PTPRT: variants seen among roughly 807,000 people sequenced by gnomAD.
The protein encoded by PTPRT is protein tyrosine phosphatase receptor type T, also known as receptor-type tyrosine-protein phosphatase T.
Under a neutral mutation model 176.8 loss-of-function variants are expected in PTPRT, and 56 were observed. The ratio of observed to expected loss-of-function variants is 0.32; its 90% confidence interval spans 0.26 to 0.40. The LOEUF (loss-of-function observed/expected upper bound fraction) is 0.40. Ranked by LOEUF, PTPRT falls within the 10% of genes least tolerant of loss-of-function variation. PTPRT has a pLI of 1.00. For synonymous variants in PTPRT, 783 were observed against 739.0 expected, an observed-to-expected ratio of 1.06 and a Z score of -0.96; for missense variants, 1,540 against 1,908.2, an observed-to-expected ratio of 0.81 and a Z score of 3.60.
At chr20:42,071,197 C>A (rs367666113), downstream of PTPRT, among the ~76,000 whole-genome samples, 1 of 152,242 alleles carries the variant, frequency 6.6e-6, no homozygotes, top group East Asian at 1.9e-4. Context: ...TCCACCCCTG[C>A]GGCTTGTGTT....
intron 21 of PTPRT, 45 bp downstream of exon 21, chr20:42,118,358 G>C: frequency 6.7e-7 from 1 of 1,491,250 alleles, no homozygotes; most frequent in African/African-American, 1.4e-5. Flanking sequence ...GTTCGAGAGT[G>C]CATCTCCAGC....
chr20:42,326,366 G>GCT (rs2057881693), intron 11 of PTPRT, among the ~76,000 whole-genome samples: 1 of 152,090 alleles, frequency 6.6e-6, no homozygotes, highest in East Asian at 1.9e-4. Flanking sequence ...CAAAACAGAA[G>GCT]AGATACACAT....
chr20:42,619,103 G>A (rs914929849), intron 7 of PTPRT, among the ~76,000 whole-genome samples: 22 of 150,476 alleles, frequency 1.5e-4, no homozygotes, highest in African/African-American at 4.7e-4. Context: ...CATGTTTAGC[G>A]CTTCCTTCAG....
At chr20:42,061,627 G>C in the PTPRT span, among the ~76,000 whole-genome samples, 1 of 152,102 alleles carries the variant, frequency 6.6e-6, no homozygotes, top group South Asian at 2.1e-4. Flanking sequence ...CTCATAAAAA[G>C]TCGTTTGACT....
chr20:42,067,212 TG>T, the PTPRT span, among the ~76,000 whole-genome samples: 1 of 152,156 alleles, frequency 6.6e-6, no homozygotes, highest in Admixed American at 6.5e-5. Flanking sequence ...GCCAGAAATT[TG>T]ACAGCCTGTG....
chr20:42,118,650 G>T, intron 20 of PTPRT, 150 bp from the exon 21 acceptor site: 1 of 567,622 alleles, frequency 1.8e-6, no homozygotes, highest in South Asian at 2.3e-5. Flanking sequence ...CTGAGACACG[G>T]GCCTGAGACA....
rs189132338 is a variant in PTPRT, at chr20:42,353,160, G to A, written c.1561-875C>T. ...GTGCAGTAGCCCCGTGAGGCCAGTG[G>A]TCACCATGCTGGACACTGCAGTCAT... On this transcript the variant is annotated intron_variant, in intron 9 of 30. Transcript: ENST00000373187. Among the ~76,000 whole-genome samples, 581 of 152,282 alleles carry A rather than the reference G, an allele frequency of 3.8e-3. 2 individuals carry two copies. Among genetic ancestry groups the A allele is most frequent in the African/African-American group, 0.013 (555 of 41,550 alleles).
chr20:42,263,561 A>T (rs190557003), intron 13 of PTPRT, among the ~76,000 whole-genome samples: 19 of 150,808 alleles, frequency 1.3e-4, no homozygotes, highest in Admixed American at 1.3e-3. Flanking sequence ...TTGTATTTTT[A>T]GTAGAGACGG....
chr20:42,545,294 C>G (rs2072654890), intron 7 of PTPRT, among the ~76,000 whole-genome samples: 1 of 152,184 alleles, frequency 6.6e-6, no homozygotes, highest in African/African-American at 2.4e-5. Flanking sequence ...TCTCAGTTAC[C>G]TGGCAAACAG....
chr20:43,178,612 T>G (rs1434324093), intron 1 of PTPRT, among the ~76,000 whole-genome samples: 1 of 152,184 alleles, frequency 6.6e-6, no homozygotes, highest in Non-Finnish European at 1.5e-5. Context: ...CTGAAATGGC[T>G]TTGAGCTCAA....
chr20:43,032,617 G>A (rs1986191525), intron 1 of PTPRT, among the ~76,000 whole-genome samples: 1 of 152,054 alleles, frequency 6.6e-6, no homozygotes, highest in Non-Finnish European at 1.5e-5. Context: ...TAATGCCTCT[G>A]TAGTTCCAGA....
intron 7 of PTPRT, among the ~76,000 whole-genome samples, chr20:42,508,812 C>T (rs1056475348): frequency 2.0e-5 from 3 of 150,224 alleles, no homozygotes; most frequent in Admixed American, 6.7e-5. Flanking sequence ...ACTTAATAGA[C>T]CTGGCTTTTG....
chr20:42,647,356 AT>A (rs1428504747), intron 7 of PTPRT, among the ~76,000 whole-genome samples: 1 of 152,128 alleles, frequency 6.6e-6, no homozygotes, highest in Non-Finnish European at 1.5e-5. Context: ...ACAGAGCAGC[AT>A]TCAGTAAATA....
chr20:42,781,800 T>C lies in PTPRT; in HGVS notation c.487-1501A>G, dbSNP rs954743870. Among the ~76,000 whole-genome samples, 15 of 152,334 alleles carry C rather than the reference T, an allele frequency of 9.8e-5. 1 individual carries two copies. In the South Asian group the frequency reaches 2.3e-3, roughly 23 times the overall value. On this transcript the variant is annotated intron_variant, in intron 3 of 30. Coordinates refer to ENST00000373187, the MANE Select transcript of PTPRT (RefSeq NM_007050.6). ...TACTAATAATCTTCTAATTGCTTAA[T>C]CAAGTAGATATTTTCAATCTTTATC... is the stretch of plus-strand genomic sequence containing the variant.
chr20:42,174,984 GAT>G (rs1296021109), intron 16 of PTPRT, among the ~76,000 whole-genome samples: 1 of 152,166 alleles, frequency 6.6e-6, no homozygotes, highest in African/African-American at 2.4e-5. Flanking sequence ...CAGAAGAAGA[GAT>G]AGTCATTTCT....
chr20:42,263,141 TG>T (rs994776993), intron 13 of PTPRT, among the ~76,000 whole-genome samples: 8 of 152,302 alleles, frequency 5.3e-5, no homozygotes, highest in Non-Finnish European at 8.8e-5. Flanking sequence ...AAATGGCCTT[TG>T]ATTCAGGCTA....
At chr20:42,621,313 T>G (rs2074192034) in intron 7 of PTPRT, among the ~76,000 whole-genome samples, 1 of 152,194 alleles carries the variant, frequency 6.6e-6, no homozygotes, top group African/African-American at 2.4e-5. Context: ...TCCATTAGCA[T>G]TTAAACATGT....
intron 2 of PTPRT, among the ~76,000 whole-genome samples, chr20:42,825,669 T>C (rs2145672862): frequency 6.6e-6 from 1 of 152,172 alleles, no homozygotes; most frequent in South Asian, 2.1e-4. Flanking sequence ...TTCTTCCAAA[T>C]GCACCAAAAT....
At chr20:42,058,793 C>A in the PTPRT span, among the ~76,000 whole-genome samples, 1 of 152,170 alleles carries the variant, frequency 6.6e-6, no homozygotes, top group Non-Finnish European at 1.5e-5. Flanking sequence ...TGGGGCTCTG[C>A]AGACCTGCTC....
Sources: allele counts gnomAD v4.1 joint callset (sites outside exome capture counted in the v4.1 genomes callset), GRCh38; gene constraint gnomAD v4.1.1; transcripts MANE v1.5; gene names NCBI Gene and HGNC (gene_info 2026-07-23, HGNC 2026-07-21).